Variants in CATSPER2 observed in about 807,000 individuals in gnomAD.
CATSPER2 encodes the protein cation channel sperm-associated protein 2.
In CATSPER2, 56 loss-of-function variants were observed where a neutral mutation model predicts 68.8. The observed-to-expected ratio is 0.81, with a 90% confidence interval of 0.66 to 1.02. CATSPER2 has a LOEUF of 1.02. Ranked by LOEUF, CATSPER2 falls within the 50% of genes least tolerant of loss-of-function variation. CATSPER2 has a pLI of 0.00. For missense variants in CATSPER2, 582 were observed against 642.0 expected (o/e 0.91, Z 1.01); for synonymous variants, 198 against 229.9 (o/e 0.86, Z 1.26).
intron 7 of CATSPER2, among the ~76,000 whole-genome samples, chr15:43,636,478 C>A (rs1235581017): frequency 1.3e-5 from 2 of 151,824 alleles, no homozygotes; most frequent in Non-Finnish European, 2.9e-5. Flanking sequence ...GCAACCTCCA[C>A]CTCCTGGGTT....
intron 5 of CATSPER2, 95 bp downstream of exon 5, chr15:43,640,229 T>C: frequency 6.3e-7 from 1 of 1,585,860 alleles, no homozygotes; most frequent in South Asian, 1.1e-5. Flanking sequence ...AAGTAAATTT[T>C]TGTTTCTTCC....
intron 4 of CATSPER2, among the ~76,000 whole-genome samples, chr15:43,645,663 T>C (rs1735099928): frequency 6.6e-6 from 1 of 151,650 alleles, no homozygotes; most frequent in Non-Finnish European, 1.5e-5. Flanking sequence ...GTAGTGGGCA[T>C]GCACCTGTAG....
In CATSPER2 at chr15:43,641,103, GTTTTGTT is replaced by G. The variant is rs780918603; in HGVS notation, c.389-614_389-608del. Among the ~76,000 whole-genome samples the G allele has an allele frequency of 1.1e-3, 164 of 146,666 alleles. 1 individual carries two copies. Among genetic ancestry groups the G allele is most frequent in the Non-Finnish European group, 1.7e-3 (116 of 67,488 alleles). On this transcript the variant is annotated intron_variant, in intron 4 of 12. Transcript: ENST00000396879. ...GAAACCTATTATTTACTTTTGTTTT[GTTTTGTT>G]TTTTGTTTTTTGTTTTTTTTTTTGA...
In CATSPER2 at chr15:43,636,284, C is replaced by T. The variant is rs1047768461; in HGVS notation, c.843-65G>A. 5 of 1,587,348 alleles carry T rather than the reference C, an allele frequency of 3.1e-6. No homozygotes were observed. In the East Asian group the frequency reaches 6.7e-5, roughly 21 times the overall value. On this transcript the variant is annotated intron_variant, in intron 7 of 12. Coordinates refer to ENST00000396879, the MANE Select transcript of CATSPER2 (RefSeq NM_172095.4). The stretch of plus-strand genomic sequence containing the variant: ...TAAACCTTTCAAAAATGGTACCATT[C>T]TTACTTTTAAAGAAACATAAAGCAT...
intron 12 of CATSPER2, among the ~76,000 whole-genome samples, chr15:43,631,027 T>C (rs1334258741): frequency 6.6e-6 from 1 of 152,054 alleles, no homozygotes; most frequent in Non-Finnish European, 1.5e-5. Context: ...CATTGTGAAG[T>C]AAGCAAAGCC....
chr15:43,635,695 G>A, intron 9 of CATSPER2, 32 bp downstream of exon 9: 1 of 1,591,176 alleles, frequency 6.3e-7, no homozygotes, highest in Non-Finnish European at 8.6e-7. Context: ...CCCTTGAGAA[G>A]GAAAGTTGGG....
intron 6 of CATSPER2, 25 bp downstream of exon 6, chr15:43,639,618 C>G (rs746344485): frequency 6.2e-7 from 1 of 1,612,060 alleles, no homozygotes; most frequent in Non-Finnish European, 8.5e-7. Context: ...TTGCCCCCTG[C>G]TTTAGCTTGC....
rs1366770773 is a variant in CATSPER2 at position 43,635,645 on chromosome 15, G to A, written c.1121+82C>T. The stretch of plus-strand genomic sequence containing the variant: ...CAAATCTACTGTCACAAAGGGAAAA[G>A]TGGGGTCGAGAAGTAGAAACAAGAA... On this transcript the variant is annotated intron_variant, in intron 9 of 12. Transcript: ENST00000396879. The A allele has an allele frequency of 3.8e-6, 5 of 1,317,350 alleles. No individual in the cohort carries two copies. In the African/African-American group the frequency reaches 4.4e-5, roughly 11 times the overall value. 81.6% of individuals were successfully genotyped at this position (1,317,350 alleles called of 1,614,324 possible). A position where few individuals can be genotyped will look rare whatever the true frequency, so the allele number is the denominator to read the frequency against.
At chr15:43,632,958 C>T (rs1595970944) in intron 10 of CATSPER2, 24 bp from the exon 11 acceptor site, 1 of 1,566,984 alleles carries the variant, frequency 6.4e-7, no homozygotes, top group Non-Finnish European at 8.8e-7. Context: ...TTTATGGCTT[C>T]ACAAACATTT....
At chr15:43,648,199 C>A (rs1435311457) in intron 1 of CATSPER2, 136 bp from the exon 2 acceptor site, 32 of 1,053,880 alleles carry the variant, frequency 3.0e-5, no homozygotes, top group Non-Finnish European at 4.4e-5. Flanking sequence ...GAACTAGGAG[C>A]AGTTGGGAAG....
chr15:43,633,006 C>T (rs2085903072), intron 10 of CATSPER2, 72 bp from the exon 11 acceptor site: 17 of 1,248,876 alleles, frequency 1.4e-5, no homozygotes, highest in Non-Finnish European at 1.8e-5. Context: ...TCTGGTTCTG[C>T]CCCTGGCCAC....
At chr15:43,646,718 CTTT>C (rs56230106) in intron 4 of CATSPER2, among the ~76,000 whole-genome samples, 4 of 138,626 alleles carry the variant, frequency 2.9e-5, no homozygotes, top group Admixed American at 7.2e-5. Context: ...TTTTCTTTTT[CTTT>C]TTTTTTTTTT....
intron 7 of CATSPER2, among the ~76,000 whole-genome samples, chr15:43,636,610 C>G (rs1009833929): frequency 1.3e-5 from 2 of 150,002 alleles, no homozygotes; most frequent in African/African-American, 4.9e-5. Flanking sequence ...AGGCTGGTCT[C>G]GAACTCCTGA....
chr15:43,635,959 C>A (rs1302856395), intron 8 of CATSPER2, 82 bp downstream of exon 8: 2 of 1,200,616 alleles, frequency 1.7e-6, no homozygotes, highest in East Asian at 2.5e-5. Flanking sequence ...TTCTTTATAC[C>A]CATAAGCCAC....
chr15:43,634,659 A>G (rs2085932960), intron 10 of CATSPER2: 2 of 152,986 alleles, frequency 1.3e-5, no homozygotes, highest in South Asian at 2.1e-4. Flanking sequence ...GATTACAAGT[A>G]TAATCCACCT....
chr15:43,646,934 C>G, intron 4 of CATSPER2, 116 bp downstream of exon 4: 1 of 877,152 alleles, frequency 1.1e-6, no homozygotes, highest in Non-Finnish European at 1.9e-6. Flanking sequence ...CCAGGCTGGT[C>G]TCCAACTCCT....
chr15:43,631,259 C>G lies in CATSPER2; in HGVS notation c.1562-527G>C, dbSNP rs547786191. ...GTTTTTGGTTTGTCTTGAGACGGAG[C>G]CTCATTCTTTTGCCAGGCTGGAGTT... On this transcript the variant is annotated intron_variant, in intron 12 of 12. Transcript: ENST00000396879. 9.2e-5 allele frequency among the ~76,000 whole-genome samples: 14 copies of G among 152,102 alleles called. No individual in the cohort carries two copies. The South Asian group carries it at 1.5e-3, about 16-fold the overall frequency.
rs1004313071 is a variant in CATSPER2 at position 43,648,620 on chromosome 15, G to A, written c.-3+9C>T. On this transcript the variant is annotated intron_variant, in intron 1 of 12. Transcript: ENST00000396879. ...CCTTCTCTCCTCCATTCTCGCTTCT[G>A]GGCCTCACCTCAGCCCAGGTTCTCT... The A allele has an allele frequency of 1.2e-4, 166 of 1,389,494 alleles. No homozygotes were observed. The highest frequency in any genetic ancestry group is 2.2e-5 in the Non-Finnish European group (24 of 1,076,200). 86.1% of individuals were successfully genotyped at this position (1,389,494 alleles called of 1,614,324 possible). A position where few individuals can be genotyped will look rare whatever the true frequency, so the allele number is the denominator to read the frequency against.
rs773648730 is a variant in CATSPER2 at position 43,647,345 on chromosome 15, G to A, written c.268C>T (p.Arg90Cys). ...GAAAGAGGTGGCCTCTGACTGCAGC[G>A]CACATGAAGCCTGCTCAACAGCCTC... is the stretch of plus-strand genomic sequence containing the variant. Reference protein sequence around the residue: ...AQRLLSRLHVRCSQRPPLSLW... With the variant: ...AQRLLSRLHVCCSQRPPLSLW... Residue 90 changes from arginine (R) to cysteine (C), a missense_variant, in exon 3 of 13, where the codon CGC becomes TGC. Arg to Cys is a radical substitution (Grantham distance 180, BLOSUM62 -3). Around this residue, in one of 5 missense-constraint regions of CATSPER2, gnomAD observed 197 missense variants for 191.0 expected, o/e 1.03. Transcript: ENST00000396879. 5.6e-6 allele frequency: 9 copies of A among 1,612,442 alleles called. No individual in the cohort carries two copies. The South Asian group carries it at 7.7e-5, about 14-fold the overall frequency.
Sources: gnomAD v4.1 joint callset for allele counts (sites outside exome capture counted in the v4.1 genomes callset) on GRCh38, gnomAD v4.1.1 for gene constraint, gnomAD v4.1.1 regional missense constraint, MANE v1.5 for transcripts, NCBI Gene and HGNC (gene_info 2026-07-23, HGNC 2026-07-21) for gene names.